Variants in THSD7B observed in about 807,000 individuals in gnomAD.
The protein encoded by THSD7B is thrombospondin type-1 domain-containing protein 7B.
THSD7B carries 138 observed loss-of-function variants against 213.6 expected under a neutral mutation model. The ratio of observed to expected loss-of-function variants is 0.65; its 90% CI spans 0.56 to 0.74. The LOEUF is 0.74. THSD7B is among the 30% of genes least tolerant of loss of function. The pLI, the probability that THSD7B is intolerant of heterozygous loss-of-function variation, is 0.00. For synonymous variants in THSD7B, 742 were observed against 687.0 expected, an observed-to-expected ratio of 1.08 and a Z score of -1.25; for missense variants, 1,931 against 1,991.5, an observed-to-expected ratio of 0.97 and a Z score of 0.58.
intron 12 of THSD7B, among the ~76,000 whole-genome samples, chr2:137,329,215 G>A (rs1199967747): frequency 6.6e-6 from 1 of 152,180 alleles, no homozygotes; most frequent in Non-Finnish European, 1.5e-5. Flanking sequence ...CCAGGCTGAG[G>A]TGGTCTCAGA....
intron 1 of THSD7B, among the ~76,000 whole-genome samples, chr2:136,825,956 C>T (rs557856208): frequency 6.6e-6 from 1 of 152,212 alleles, no homozygotes; most frequent in East Asian, 1.9e-4. Context: ...TTCGCAGCAC[C>T]TGCAGTGTCC....
At chr2:137,172,947 T>G (rs555500383) in intron 7 of THSD7B, among the ~76,000 whole-genome samples, 1 of 152,300 alleles carries the variant, frequency 6.6e-6, no homozygotes, top group Admixed American at 6.5e-5. Flanking sequence ...GTTTAAAACA[T>G]GAGCTCTAGA....
chr2:137,319,630 C>T (rs1435431341), intron 12 of THSD7B, among the ~76,000 whole-genome samples: 1 of 152,170 alleles, frequency 6.6e-6, no homozygotes, highest in Admixed American at 6.5e-5. Flanking sequence ...CTGTTGCTGC[C>T]ATTTTCTCAT....
At chr2:137,156,373 C>G (rs971013327) in intron 5 of THSD7B, among the ~76,000 whole-genome samples, 35 of 152,148 alleles carry the variant, frequency 2.3e-4, no homozygotes, top group Admixed American at 9.2e-4. Flanking sequence ...GATTCACTGT[C>G]CATCAAAACA....
At chr2:137,262,530 A>G (rs1198695649) in intron 10 of THSD7B, among the ~76,000 whole-genome samples, 2 of 152,208 alleles carry the variant, frequency 1.3e-5, no homozygotes, top group Non-Finnish European at 2.9e-5. Flanking sequence ...AGTGCAACTT[A>G]TCATTATAGG....
intron 25 of THSD7B, 66 bp from the exon 26 acceptor site, chr2:137,663,317 T>C: frequency 1.5e-6 from 2 of 1,326,210 alleles, no homozygotes; most frequent in Non-Finnish European, 2.0e-6. Flanking sequence ...GATTTTAACA[T>C]TATATTTTTA....
intron 15 of THSD7B, among the ~76,000 whole-genome samples, chr2:137,551,654 C>T (rs905656387): frequency 6.6e-6 from 1 of 152,074 alleles, no homozygotes; most frequent in Non-Finnish European, 1.5e-5. Context: ...TTAAATAAAG[C>T]TTATTTAGTA....
intron 15 of THSD7B, among the ~76,000 whole-genome samples, chr2:137,490,018 G>C (rs1181459872): frequency 6.6e-6 from 1 of 152,174 alleles, no homozygotes; most frequent in Non-Finnish European, 1.5e-5. Flanking sequence ...ATGGTATTTT[G>C]AGTTTCACTG....
At chr2:136,888,157 T>C (rs1464466706) in intron 2 of THSD7B, among the ~76,000 whole-genome samples, 1 of 152,176 alleles carries the variant, frequency 6.6e-6, no homozygotes, top group African/African-American at 2.4e-5. Flanking sequence ...TCAAAATTAT[T>C]TCACTGGCTT....
At chr2:137,596,478 T>A (rs902035140) in intron 17 of THSD7B, among the ~76,000 whole-genome samples, 2 of 152,054 alleles carry the variant, frequency 1.3e-5, no homozygotes, top group Admixed American at 6.6e-5. Context: ...AATCTTATCA[T>A]CATGGTTAAG....
rs1488245969 is a variant in THSD7B, at chr2:137,655,596, A to G, written c.4041A>G (p.Ala1347=). The change falls in exon 22 of 28, where the codon GCA becomes GCG. Residue 1347 remains alanine (A), a synonymous_variant. Transcript: ENST00000409968. ...ATGCAGCTGGACGTGTCGAGGATGC[A>G]CTGTGTGGAGAAATGCCCTTTCAGG... ...ISHAAGRVED[A]LCGEMPFQDS... 6.2e-7 allele frequency: 1 copy of G among 1,612,978 alleles called. No individual in the cohort carries two copies. Among genetic ancestry groups the G allele is most frequent in the Non-Finnish European group, 8.5e-7 (1 of 1,179,584 alleles).
At chr2:137,649,547 C>G (rs1356343647) in intron 21 of THSD7B, among the ~76,000 whole-genome samples, 1 of 152,176 alleles carries the variant, frequency 6.6e-6, no homozygotes. Flanking sequence ...CCTTTCCCCA[C>G]TGCATGTTCT....
At chr2:137,314,585 G>T (rs529131580) in intron 12 of THSD7B, among the ~76,000 whole-genome samples, 15 of 152,294 alleles carry the variant, frequency 9.8e-5, no homozygotes, top group African/African-American at 3.4e-4. Context: ...GAGGTGCTCT[G>T]CTTTTTAGAG....
At chr2:136,992,458 T>C (rs1465531498) in intron 2 of THSD7B, among the ~76,000 whole-genome samples, 1 of 152,296 alleles carries the variant, frequency 6.6e-6, no homozygotes, top group Admixed American at 6.5e-5. Context: ...AGACCACACT[T>C]GAGTACAAGG....
intron 2 of THSD7B, among the ~76,000 whole-genome samples, chr2:137,049,420 T>C (rs562031271): frequency 6.6e-6 from 1 of 152,374 alleles, no homozygotes; most frequent in South Asian, 2.1e-4. Context: ...GCTGTTTACC[T>C]TGTGCAGGTT....
At chr2:137,159,818 A>T (rs35326199) in intron 5 of THSD7B, among the ~76,000 whole-genome samples, 7,005 of 152,232 alleles carry the variant, frequency 0.046, 201 homozygotes, top group Admixed American at 0.069. Flanking sequence ...GAGGGCTTCA[A>T]TCTGGATTTT....
chr2:137,577,050 A>G (rs978386495), intron 17 of THSD7B, among the ~76,000 whole-genome samples: 5 of 152,050 alleles, frequency 3.3e-5, no homozygotes. Flanking sequence ...AATGATTACA[A>G]CCCTCATACT....
intron 7 of THSD7B, among the ~76,000 whole-genome samples, chr2:137,209,245 C>A (rs1372408387): frequency 6.6e-6 from 1 of 151,924 alleles, no homozygotes; most frequent in African/African-American, 2.4e-5. Flanking sequence ...TAACACTGAT[C>A]AAATAGAATA....
chr2:137,334,125 C>G (rs1229358253), intron 12 of THSD7B, among the ~76,000 whole-genome samples: 1 of 152,088 alleles, frequency 6.6e-6, no homozygotes, highest in Non-Finnish European at 1.5e-5. Flanking sequence ...ATTTGACATA[C>G]CGGCTAATCA....
Sources: allele counts gnomAD v4.1 joint callset (sites outside exome capture counted in the v4.1 genomes callset), GRCh38; gene constraint gnomAD v4.1.1; transcripts MANE v1.5; gene names NCBI Gene and HGNC (gene_info 2026-07-23, HGNC 2026-07-21).